Variants in CEMIP2 observed in about 807,000 individuals in gnomAD.
CEMIP2 encodes the protein cell surface hyaluronidase CEMIP2.
CEMIP2 carries 79 observed loss-of-function variants against 146.9 expected under a neutral mutation model. The ratio of observed to expected loss-of-function variants is 0.54; its 90% CI spans 0.45 to 0.65. The LOEUF is 0.65. CEMIP2 is among the 30% of genes least tolerant of loss of function. The pLI, the probability that CEMIP2 is intolerant of heterozygous loss-of-function variation, is 0.00. For missense variants in CEMIP2, 1,596 were observed against 1,696.2 expected (o/e 0.94, Z 1.04); for synonymous variants, 601 against 606.3 (o/e 0.99, Z 0.13).
intron 18 of CEMIP2, 23 bp from the exon 19 acceptor site, chr9:71,700,847 A>C: frequency 6.3e-7 from 1 of 1,589,486 alleles, no homozygotes; most frequent in Admixed American, 1.8e-5. Context: ...AACATAAAAA[A>C]ATTAGTTTAC....
At chr9:71,706,512 G>C (rs979125246) in intron 17 of CEMIP2, among the ~76,000 whole-genome samples, 1 of 152,086 alleles carries the variant, frequency 6.6e-6, no homozygotes. Flanking sequence ...ACTCTGATTT[G>C]TAATATAGAT....
At chr9:71,756,578 C>T (rs757846857) in intron 1 of CEMIP2, among the ~76,000 whole-genome samples, 21 of 150,602 alleles carry the variant, frequency 1.4e-4, no homozygotes, top group Non-Finnish European at 2.8e-4. Flanking sequence ...GAGAAATTTC[C>T]TATTTAATCC....
chr9:71,717,673 G>C (rs1823105695), intron 13 of CEMIP2, among the ~76,000 whole-genome samples: 1 of 152,150 alleles, frequency 6.6e-6, no homozygotes. Context: ...GACCATGCTT[G>C]TTATATAAAG....
At chr9:71,714,373 T>TGATGATGATGAC (rs1464771434) in intron 15 of CEMIP2, among the ~76,000 whole-genome samples, 1 of 151,960 alleles carries the variant, frequency 6.6e-6, no homozygotes, top group African/African-American at 2.4e-5. Context: ...TCTGTGATGA[T>TGATGATGATGAC]GATGACAGAA....
intron 23 of CEMIP2, 44 bp from the exon 24 acceptor site, chr9:71,685,437 T>TA (rs752494209): frequency 2.1e-6 from 3 of 1,421,788 alleles, no homozygotes; most frequent in Non-Finnish European, 2.8e-6. Context: ...AATCAATTTT[T>TA]ATAGCTACAT....
rs1295235797 is a variant in CEMIP2, at chr9:71,684,617, GAT to G, written c.*578_*579del. ...GAAAGTTTAACCCTTACAAGTAATT[GAT>G]ATATAAGTGAATAAAAATAGCACAT... On this transcript the variant is annotated 3_prime_UTR_variant, in exon 24 of 24. Transcript: ENST00000377044. 2 of 152,544 alleles carry G rather than the reference GAT, an allele frequency of 1.3e-5. No individual in the cohort carries two copies. The highest frequency in any genetic ancestry group is 2.9e-5 in the Non-Finnish European group (2 of 68,038). The allele number at this position is 152,544 out of a possible 1,614,324, so 9.4% of individuals were successfully genotyped here.
At chr9:71,746,439 T>C in intron 2 of CEMIP2, 98 bp from the exon 3 acceptor site, 1 of 1,435,152 alleles carries the variant, frequency 7.0e-7, no homozygotes, top group East Asian at 2.3e-5. Context: ...CTGCAAAAAA[T>C]GTGCTAACAT....
Position 71,745,256 on chromosome 9 carries a change from C to A in CEMIP2, c.796G>T (p.Gly266Cys). 1 of 1,613,942 alleles carries A rather than the reference C, an allele frequency of 6.2e-7. No individual in the cohort carries two copies. The highest frequency in any genetic ancestry group is 8.5e-7 in the Non-Finnish European group (1 of 1,180,002). Residue 266 changes from glycine (G) to cysteine (C), a missense_variant, in exon 4 of 24, where the codon GGC becomes TGC. Coordinates refer to ENST00000377044, the MANE Select transcript of CEMIP2 (RefSeq NM_013390.3). ...SYTFEKDFSR[G>C]LNVRVIDQDT... Reference sequence around the variant, plus strand: ...TGGTCAATGACCCTCACATTGAGGCCCCGGGAAAAGTCCTTTTCAAAGGTA... The same window carrying A: ...TGGTCAATGACCCTCACATTGAGGCACCGGGAAAAGTCCTTTTCAAAGGTA...
intron 3 of CEMIP2, 72 bp downstream of exon 3, chr9:71,746,129 A>G (rs2132009588): frequency 6.5e-7 from 1 of 1,550,250 alleles, no homozygotes; most frequent in Non-Finnish European, 8.7e-7. Context: ...AGTCTTCTAC[A>G]TAAGGAACAT....
intron 6 of CEMIP2, among the ~76,000 whole-genome samples, 166 bp from the exon 7 acceptor site, chr9:71,732,686 ATTTTTTTTTTTTTTTT>A (rs59985618): frequency 7.9e-5 from 6 of 75,816 alleles, no homozygotes; most frequent in African/African-American, 2.5e-4. Context: ...GACACGGGGA[ATTTTTTTTTTTTTTTT>A]TTTTTTTTTT....
chr9:71,738,059 A>G (rs538303745), intron 5 of CEMIP2, among the ~76,000 whole-genome samples: 1 of 152,234 alleles, frequency 6.6e-6, no homozygotes, highest in South Asian at 2.1e-4. Context: ...CCAGAGCCCA[A>G]TTTCTTTCAA....
intron 1 of CEMIP2, among the ~76,000 whole-genome samples, chr9:71,760,970 C>T (rs1244513491): frequency 6.6e-6 from 1 of 152,174 alleles, no homozygotes; most frequent in African/African-American, 2.4e-5. Context: ...TCTCTTTTCT[C>T]CCTTCCTTCC....
intron 11 of CEMIP2, 147 bp from the exon 12 acceptor site, chr9:71,722,662 A>C (rs929753111): frequency 3.5e-6 from 2 of 578,352 alleles, no homozygotes; most frequent in Admixed American, 7.0e-5. Context: ...TGTAAAAAAA[A>C]AAAAAACAGC....
At position 71,684,999 on chromosome 9, in the gene CEMIP2, C is replaced by A. The variant is rs919455214; in HGVS notation, c.*198G>T. 1.0e-5 allele frequency: 5 copies of A among 499,424 alleles called. No individual in the cohort carries two copies. The highest frequency in any genetic ancestry group is 1.7e-5 in the Non-Finnish European group (5 of 287,860). The allele number at this position is 499,424 out of a possible 1,614,324, so 30.9% of individuals were successfully genotyped here. On this transcript the variant is annotated 3_prime_UTR_variant, in exon 24 of 24. Coordinates refer to ENST00000377044, the MANE Select transcript of CEMIP2 (RefSeq NM_013390.3). ...ACACCAGCCTTACAAATACAAACAA[C>A]GTCTTTAACATTTTGTACAACTAGA...
intron 11 of CEMIP2, among the ~76,000 whole-genome samples, chr9:71,722,772 A>T (rs374131790): frequency 1.2e-4 from 19 of 152,222 alleles, no homozygotes; most frequent in African/African-American, 4.3e-4. Context: ...ATTAGTTAAC[A>T]AGAAAAATAT....
chr9:71,734,707 G>T, intron 6 of CEMIP2, 99 bp downstream of exon 6: 1 of 1,031,562 alleles, frequency 9.7e-7, no homozygotes. Flanking sequence ...GATGGTGGTG[G>T]TGGTAGTGAT....
intron 10 of CEMIP2, among the ~76,000 whole-genome samples, chr9:71,727,404 T>C (rs1823420251): frequency 6.6e-6 from 1 of 152,190 alleles, no homozygotes; most frequent in South Asian, 2.1e-4. Flanking sequence ...GGCTCAAAAA[T>C]ATTTGATGAA....
intron 18 of CEMIP2, chr9:71,704,394 A>G (rs1007205189): frequency 2.0e-5 from 12 of 605,876 alleles, no homozygotes; most frequent in Non-Finnish European, 2.6e-5. Flanking sequence ...ACAGAGAAAA[A>G]AAAAGCTTTT....
In CEMIP2 at chr9:71,698,097, T is replaced by C. The variant is rs201118590; in HGVS notation, c.3485A>G (p.Asp1162Gly). ...TGCTTTGGCCATGCAGTTACTGATG[T>C]CCTTTGAGTCTGTGGCTGCTTGGAT... ...VKIQAATDSK[D>G]ISNCMAKAYP... The change falls in exon 20 of 24, where the codon GAC (aspartate) becomes GGC (glycine). Residue 1162 changes from aspartate to glycine, a missense_variant. By Grantham distance (94) the Asp-to-Gly change is moderately conservative (BLOSUM62 -1). Transcript: ENST00000377044. 1 of 1,614,176 alleles carries C rather than the reference T, an allele frequency of 6.2e-7. No individual in the cohort carries two copies. Among genetic ancestry groups the C allele is most frequent in the Middle Eastern group, 1.6e-4 (1 of 6,062 alleles).
Sources: allele counts gnomAD v4.1 joint callset (sites outside exome capture counted in the v4.1 genomes callset), GRCh38; gene constraint gnomAD v4.1.1; transcripts MANE v1.5; gene names NCBI Gene and HGNC (gene_info 2026-07-23, HGNC 2026-07-21).